Variants in VIT observed in about 807,000 individuals in gnomAD.
VIT encodes vitrin.
VIT carries 99 observed loss-of-function variants against 78.0 expected under a neutral mutation model. The observed-to-expected ratio is 1.27, with a 90% CI of 1.08 to 1.50. The LOEUF is 1.50. VIT is among the 40% of genes most tolerant of loss of function. The probability of loss-of-function intolerance (pLI) is 0.00; values close to 1 mark genes in which losing one functional copy is unlikely to be tolerated. For missense variants in VIT, 1,126 were observed against 875.3 expected, an observed-to-expected ratio of 1.29 and a Z score of -3.61; for synonymous variants, 374 against 334.3, an observed-to-expected ratio of 1.12 and a Z score of -1.29.
rs74520414 is a variant in VIT, at chr2:36,722,441, A to G, written c.52+6019A>G. On this transcript the variant is annotated intron_variant, in intron 2 of 15. Coordinates refer to ENST00000379242, the MANE Select transcript of VIT (RefSeq NM_053276.4). Reference sequence around the variant, plus strand: ...ATCCTATGATTTGAAGCATAATTTTATGATTTATGTGATTGTAGAGAATAA... The same window carrying G: ...ATCCTATGATTTGAAGCATAATTTTGTGATTTATGTGATTGTAGAGAATAA... Among the ~76,000 whole-genome samples, 1,003 of 152,360 alleles carry G rather than the reference A, an allele frequency of 6.6e-3. 9 individuals carry two copies. Among genetic ancestry groups the G allele is most frequent in the Non-Finnish European group, 9.9e-3 (675 of 68,032 alleles).
At chr2:36,791,860 A>G (rs1433458238) in intron 12 of VIT, among the ~76,000 whole-genome samples, 1 of 152,128 alleles carries the variant, frequency 6.6e-6, no homozygotes, top group Admixed American at 6.5e-5. Context: ...GTTTATGATC[A>G]TTTGTTACAA....
intron 12 of VIT, among the ~76,000 whole-genome samples, chr2:36,800,112 C>T (rs968649284): frequency 2.7e-5 from 4 of 150,770 alleles, no homozygotes; most frequent in Non-Finnish European, 5.9e-5. Flanking sequence ...TCTGGGAGGC[C>T]AAGGCAGGTG....
chr2:36,796,721 C>T (rs548220536), intron 12 of VIT, among the ~76,000 whole-genome samples: 120 of 152,148 alleles, frequency 7.9e-4, no homozygotes, highest in Non-Finnish European at 1.3e-3. Flanking sequence ...CCTGTCTTGG[C>T]CTCTCAAAGT....
intron 12 of VIT, among the ~76,000 whole-genome samples, chr2:36,791,624 T>C (rs988095448): frequency 6.6e-6 from 1 of 152,158 alleles, no homozygotes; most frequent in African/African-American, 2.4e-5. Flanking sequence ...GATGGAAGCA[T>C]AGTCAGAGAG....
Position 36,809,043 on chromosome 2 carries a change from C to A in VIT, c.1903+58C>A, listed in dbSNP as rs1302317847. On this transcript the variant is annotated intron_variant, in intron 15 of 15. Transcript: ENST00000379242. Reference sequence around the variant, plus strand: ...AGGCTGCTTTCTGGGGCTTGGTGGGCCAGTGGGACAAGGAAGGTATTGTCT... The same window carrying A: ...AGGCTGCTTTCTGGGGCTTGGTGGGACAGTGGGACAAGGAAGGTATTGTCT... 2.0e-6 allele frequency: 3 copies of A among 1,515,978 alleles called. No individual in the cohort carries two copies. The African/African-American group carries it at 4.2e-5, about 21-fold the overall frequency. 93.9% of individuals were successfully genotyped at this position (1,515,978 alleles called of 1,614,324 possible). A position where few individuals can be genotyped will look rare whatever the true frequency, so the allele number is the denominator to read the frequency against.
chr2:36,801,476 A>C, intron 13 of VIT, 72 bp downstream of exon 13: 2 of 1,327,708 alleles, frequency 1.5e-6, no homozygotes, highest in Admixed American at 3.5e-5. Context: ...TCTTCTAACC[A>C]TTCTATATAA....
intron 2 of VIT, among the ~76,000 whole-genome samples, chr2:36,725,794 G>A (rs957110091): frequency 3.9e-5 from 6 of 152,082 alleles, no homozygotes; most frequent in East Asian, 1.9e-4. Context: ...CACACCCGCC[G>A]GGCACAGTGG....
intron 2 of VIT, among the ~76,000 whole-genome samples, chr2:36,717,586 T>G (rs1368342920): frequency 6.6e-6 from 1 of 152,084 alleles, no homozygotes; most frequent in Non-Finnish European, 1.5e-5. Flanking sequence ...TACGCAATCA[T>G]GGATAGGCCC....
chr2:36,707,371 C>T (rs1337369975), intron 1 of VIT, among the ~76,000 whole-genome samples: 1 of 152,190 alleles, frequency 6.6e-6, no homozygotes, highest in East Asian at 1.9e-4. Context: ...AACAACCTGC[C>T]CCCTTGTTCA....
chr2:36,787,413 T>C, intron 12 of VIT, 137 bp downstream of exon 12: 1 of 1,227,112 alleles, frequency 8.1e-7, no homozygotes, highest in Non-Finnish European at 1.1e-6. Flanking sequence ...CTAATGCAAA[T>C]GTAAATGAAA....
At chr2:36,789,502 A>G (rs1665337973) in intron 12 of VIT, among the ~76,000 whole-genome samples, 1 of 152,142 alleles carries the variant, frequency 6.6e-6, no homozygotes, top group Non-Finnish European at 1.5e-5. Context: ...CCATCCGTGG[A>G]GCGTGGGAAA....
rs1039574191 is a variant in VIT, at chr2:36,814,563, G to A, written c.*202G>A. 1 of 609,932 alleles carries A rather than the reference G, an allele frequency of 1.6e-6. No homozygotes were observed. Among genetic ancestry groups the A allele is most frequent in the Non-Finnish European group, 2.7e-6 (1 of 368,460 alleles). The allele number at this position is 609,932 out of a possible 1,614,324, so 37.8% of individuals were successfully genotyped here. ...AAAGATGATCACAAACGTATAGAAT[G>A]AGCCAAAAGGCTACATCATGTTGAG... On this transcript the variant is annotated 3_prime_UTR_variant, in exon 16 of 16. Transcript: ENST00000379242.
intron 3 of VIT, 139 bp downstream of exon 3, chr2:36,729,630 G>C: frequency 1.2e-6 from 1 of 843,784 alleles, no homozygotes; most frequent in Non-Finnish European, 1.8e-6. Context: ...ATTAATTAGT[G>C]ATAAGTCTTA....
chr2:36,786,990 A>C, intron 11 of VIT, 139 bp from the exon 12 acceptor site: 2 of 1,059,784 alleles, frequency 1.9e-6, no homozygotes, highest in African/African-American at 1.6e-5. Flanking sequence ...GTAAATAAAT[A>C]TACCCTGCAT....
At chr2:36,713,344 G>C (rs1573126183) in intron 1 of VIT, among the ~76,000 whole-genome samples, 1 of 152,338 alleles carries the variant, frequency 6.6e-6, no homozygotes, top group East Asian at 1.9e-4. Flanking sequence ...AAACAGCCAA[G>C]AGGCCGGTGT....
intron 6 of VIT, among the ~76,000 whole-genome samples, chr2:36,763,683 G>A (rs1244551375): frequency 2.7e-5 from 4 of 149,758 alleles, no homozygotes; most frequent in South Asian, 2.1e-4. Context: ...TCCGCCTCCC[G>A]GGTTCAAGCC....
At chr2:36,751,135 C>T (rs1339811040) in intron 4 of VIT, among the ~76,000 whole-genome samples, 1 of 152,192 alleles carries the variant, frequency 6.6e-6, no homozygotes, top group Non-Finnish European at 1.5e-5. Context: ...GTGGCTCACG[C>T]TTGTAATCCC....
intron 13 of VIT, among the ~76,000 whole-genome samples, chr2:36,804,841 A>G (rs1022831565): frequency 3.3e-5 from 5 of 152,046 alleles, no homozygotes; most frequent in Admixed American, 1.3e-4. Flanking sequence ...GGAAAAAAAA[A>G]AAAAGTCTTT....
At chr2:36,809,143 C>A (rs1436620742) in intron 15 of VIT, among the ~76,000 whole-genome samples, 158 bp downstream of exon 15, 5 of 152,168 alleles carry the variant, frequency 3.3e-5, no homozygotes, top group Admixed American at 3.3e-4. Flanking sequence ...GGTAGAAACA[C>A]TGCAAGCCCC....
Sources: gnomAD v4.1 joint callset for allele counts (sites outside exome capture counted in the v4.1 genomes callset) on GRCh38, gnomAD v4.1.1 for gene constraint, MANE v1.5 for transcripts, NCBI Gene and HGNC (gene_info 2026-07-23, HGNC 2026-07-21) for gene names.